OPN3: variants seen among roughly 807,000 people sequenced by gnomAD.
The protein encoded by OPN3 is opsin-3.
In OPN3, 29 loss-of-function variants were observed where a neutral mutation model predicts 33.8. The ratio of observed to expected loss-of-function variants is 0.86; its 90% confidence interval spans 0.64 to 1.17. The LOEUF is 1.17. Among genes scored for constraint, OPN3 ranks in the 50% most tolerant of loss-of-function variants. The pLI, the probability that OPN3 is intolerant of heterozygous loss-of-function variation, is 0.00. For synonymous variants in OPN3, 216 were observed against 216.1 expected (o/e 1.00, Z 0.00); for missense variants, 437 against 514.1 (o/e 0.85, Z 1.45).
At chr1:241,619,273 A>G (rs1458695839) in intron 1 of OPN3, among the ~76,000 whole-genome samples, 1 of 152,214 alleles carries the variant, frequency 6.6e-6, no homozygotes, top group Non-Finnish European at 1.5e-5. Context: ...ATTTGCGTTA[A>G]CATTTCACAA....
At chr1:241,635,247 C>G in intron 1 of OPN3, 1 of 1,613,842 alleles carries the variant, frequency 6.2e-7, no homozygotes, top group South Asian at 1.1e-5. Flanking sequence ...TCCACTGATT[C>G]CTCTACATCA....
rs1173320467 is a variant in OPN3 at position 241,593,994 on chromosome 1, A to G, written c.*434T>C. The G allele has an allele frequency of 1.8e-5, 3 of 163,898 alleles. No individual in the cohort carries two copies. Among genetic ancestry groups the G allele is most frequent in the Non-Finnish European group, 4.0e-5 (3 of 75,246 alleles). 10.2% of individuals were successfully genotyped at this position (163,898 alleles called of 1,614,324 possible). ...TTGATAACTTGATCAGATATAGGAC[A>G]TGACACTGAATAGAGTCCAACAGTA... On this transcript the variant is annotated 3_prime_UTR_variant, in exon 4 of 4. Coordinates refer to ENST00000366554, the MANE Select transcript of OPN3 (RefSeq NM_014322.3).
chr1:241,638,405 G>A (rs957767075), intron 1 of OPN3, among the ~76,000 whole-genome samples: 1 of 152,084 alleles, frequency 6.6e-6, no homozygotes, highest in Non-Finnish European at 1.5e-5. Context: ...TCCCGGGCAC[G>A]AAAACAGAAT....
intron 1 of OPN3, among the ~76,000 whole-genome samples, chr1:241,622,767 G>A (rs1664299708): frequency 6.6e-6 from 1 of 152,180 alleles, no homozygotes; most frequent in African/African-American, 2.4e-5. Flanking sequence ...TCTGCATCAT[G>A]TGCTATTTCT....
At chr1:241,634,129 T>G (rs1664768787) in intron 1 of OPN3, 9 of 1,612,994 alleles carry the variant, frequency 5.6e-6, no homozygotes, top group Middle Eastern at 1.7e-4. Context: ...ACAAGAGTCT[T>G]GGCTTTGTAA....
intron 1 of OPN3, among the ~76,000 whole-genome samples, chr1:241,625,177 TTAAG>T (rs1664381585): frequency 6.6e-6 from 1 of 152,190 alleles, no homozygotes; most frequent in African/African-American, 2.4e-5. Flanking sequence ...TCCATTGCAA[TTAAG>T]TATTTTCTAT....
chr1:241,636,723 ATAAG>A (rs762591319), intron 1 of OPN3, among the ~76,000 whole-genome samples: 45 of 152,336 alleles, frequency 3.0e-4, no homozygotes, highest in African/African-American at 4.8e-4. Context: ...ACACATGCAT[ATAAG>A]TAATAAAGGA....
intron 1 of OPN3, among the ~76,000 whole-genome samples, chr1:241,619,178 C>A (rs1386157165): frequency 6.6e-6 from 1 of 152,152 alleles, no homozygotes; most frequent in East Asian, 1.9e-4. Flanking sequence ...GGCTCTAAAA[C>A]TTGCTTGCCT....
intron 1 of OPN3, among the ~76,000 whole-genome samples, chr1:241,621,974 C>T (rs1664279663): frequency 6.6e-6 from 1 of 152,100 alleles, no homozygotes; most frequent in African/African-American, 2.4e-5. Flanking sequence ...GGAATATGTG[C>T]TCTCTCAGGC....
Position 241,594,637 on chromosome 1 carries a change from G to C in OPN3, c.1000C>G (p.Pro334Ala), listed in dbSNP as rs1663441803. The change falls in exon 4 of 4, where the codon CCT (proline) becomes GCT (alanine). Residue 334 changes from proline (P) to alanine (A), a missense_variant. Coordinates refer to ENST00000366554, the MANE Select transcript of OPN3 (RefSeq NM_014322.3). ...CCAGCTGCTGGTAGGTCTTTAGCAG[G>C]CCTCTGGCACCTCAGCAGTCGGAGG... ...LCLRLLRCQR[P>A]AKDLPAAGSE... 2.5e-6 allele frequency: 4 copies of C among 1,614,082 alleles called. No homozygotes were observed. The highest frequency in any genetic ancestry group is 2.7e-5 in the African/African-American group (2 of 75,038).
chr1:241,614,321 T>A (rs368907783), intron 1 of OPN3, among the ~76,000 whole-genome samples: 2 of 152,072 alleles, frequency 1.3e-5, no homozygotes, highest in South Asian at 4.1e-4. Flanking sequence ...AAGAGAACGA[T>A]TGAATGAGGC....
At chr1:241,631,388 T>C (rs1664627056) in intron 1 of OPN3, 2 of 152,078 alleles carry the variant, frequency 1.3e-5, no homozygotes, top group South Asian at 2.1e-4. Flanking sequence ...TTCACCTTCA[T>C]TTTATTTATC....
chr1:241,619,446 G>A (rs1558442494), intron 1 of OPN3, among the ~76,000 whole-genome samples: 2 of 152,124 alleles, frequency 1.3e-5, no homozygotes, highest in Admixed American at 1.3e-4. Context: ...CTCATTTCTA[G>A]CTTTTATCCC....
chr1:241,634,502 A>G lies in OPN3; in HGVS notation c.373+5380T>C, dbSNP rs754747195. ...ATTTATTCTTTGACCAAAGTGATCT[A>G]TAATTGCTTTACATCGTCCAGATTC... On this transcript the variant is annotated intron_variant, in intron 1 of 3. Coordinates refer to ENST00000366554, the MANE Select transcript of OPN3 (RefSeq NM_014322.3). The G allele has an allele frequency of 4.3e-5, 70 of 1,613,816 alleles. 1 individual carries two copies. Among genetic ancestry groups the G allele is most frequent in the Non-Finnish European group, 5.3e-5 (63 of 1,179,926 alleles).
intron 2 of OPN3, among the ~76,000 whole-genome samples, 156 bp downstream of exon 2, chr1:241,604,104 C>T (rs917559630): frequency 6.6e-6 from 1 of 152,098 alleles, no homozygotes; most frequent in African/African-American, 2.4e-5. Context: ...CAGAGAGTGA[C>T]TCATAGCATA....
intron 1 of OPN3, among the ~76,000 whole-genome samples, chr1:241,613,802 G>A (rs1002782338): frequency 3.3e-5 from 5 of 152,100 alleles, no homozygotes; most frequent in South Asian, 2.1e-4. Flanking sequence ...TTCATATTTC[G>A]TGCACAATGA....
intron 1 of OPN3, among the ~76,000 whole-genome samples, chr1:241,608,125 T>A (rs1663890559): frequency 6.6e-6 from 1 of 152,252 alleles, no homozygotes. Flanking sequence ...CTTTATGTGT[T>A]AAAACATAGT....
At chr1:241,615,619 C>T (rs1467393749) in intron 1 of OPN3, among the ~76,000 whole-genome samples, 1 of 152,162 alleles carries the variant, frequency 6.6e-6, no homozygotes. Context: ...CTGCTGTCAG[C>T]CATCTATGAC....
chr1:241,620,395 A>T (rs1338819984), intron 1 of OPN3, among the ~76,000 whole-genome samples: 1 of 152,180 alleles, frequency 6.6e-6, no homozygotes, highest in Non-Finnish European at 1.5e-5. Context: ...GAGTGATGGT[A>T]TGAGGTGACA....
Sources: allele counts gnomAD v4.1 joint callset (sites outside exome capture counted in the v4.1 genomes callset), GRCh38; gene constraint gnomAD v4.1.1; transcripts MANE v1.5; gene names NCBI Gene and HGNC (gene_info 2026-07-23, HGNC 2026-07-21).